Variants in SLC26A4 observed in about 807,000 individuals in gnomAD.
SLC26A4 encodes pendrin.
Under a neutral mutation model 90.4 loss-of-function variants are expected in SLC26A4, and 93 were observed. That is an observed-to-expected ratio of 1.03 (90% CI 0.87 to 1.22). The LOEUF (loss-of-function observed/expected upper bound fraction) is 1.22, where lower values mean the gene tolerates loss of function less well. SLC26A4 is among the 50% of genes most tolerant of loss of function. The pLI is 0.00. For synonymous variants in SLC26A4, 393 were observed against 354.6 expected (o/e 1.11, Z -1.22); for missense variants, 1,127 against 946.2 (o/e 1.19, Z -2.51).
intron 8 of SLC26A4, 103 bp from the exon 9 acceptor site, chr7:107,688,950 T>G (rs1791490190): frequency 1.6e-6 from 2 of 1,214,094 alleles, no homozygotes; most frequent in East Asian, 4.7e-5. Flanking sequence ...GATCAAGTAC[T>G]TTCATGTCTA....
chr7:107,688,591 T>G lies in SLC26A4; in HGVS notation c.1002-462T>G, dbSNP rs544368386. On this transcript the variant is annotated intron_variant, in intron 8 of 20. Coordinates refer to ENST00000644269, the MANE Select transcript of SLC26A4 (RefSeq NM_000441.2). Reference sequence around the variant, plus strand: ...TCCTGGCTCTCAAAGGATTTTCCACTGAGCTCTTTTAGCTTCATACATTCT... The same window carrying G: ...TCCTGGCTCTCAAAGGATTTTCCACGGAGCTCTTTTAGCTTCATACATTCT... Among the ~76,000 whole-genome samples the G allele has an allele frequency of 3.3e-5, 5 of 152,352 alleles. No individual in the cohort carries two copies. In the South Asian group the frequency reaches 1.0e-3, roughly 32 times the overall value.
intron 17 of SLC26A4, among the ~76,000 whole-genome samples, chr7:107,704,052 T>A (rs1791971427): frequency 6.6e-6 from 1 of 152,200 alleles, no homozygotes; most frequent in Admixed American, 6.5e-5. Context: ...TTAAGAAGCC[T>A]CCTGTACTCT....
intron 13 of SLC26A4, among the ~76,000 whole-genome samples, chr7:107,697,436 A>G (rs979463793): frequency 6.6e-6 from 1 of 152,210 alleles, no homozygotes; most frequent in African/African-American, 2.4e-5. Context: ...CTCTTTCTTC[A>G]GGAATTGTAT....
chr7:107,682,133 T>A (rs963262937), intron 6 of SLC26A4, among the ~76,000 whole-genome samples: 2,645 of 40,872 alleles, frequency 0.065, 141 homozygotes, highest in African/African-American at 0.076. Context: ...AAAAAAAATT[T>A]TTTTTATGTT....
intron 10 of SLC26A4, chr7:107,693,231 A>G (rs956688073): frequency 1.1e-6 from 1 of 921,666 alleles, no homozygotes; most frequent in Non-Finnish European, 1.3e-6. Context: ...AGGAGAAGGG[A>G]AAGAGCACCA....
At chr7:107,665,583 C>A (rs1275915356) in intron 3 of SLC26A4, among the ~76,000 whole-genome samples, 1 of 152,154 alleles carries the variant, frequency 6.6e-6, no homozygotes, top group African/African-American at 2.4e-5. Flanking sequence ...GATTGAATTG[C>A]ATTCCTGATA....
rs1562838616 is a variant in SLC26A4 at position 107,700,184 on chromosome 7, T to A, written c.1707+9T>A. On this transcript the variant is annotated intron_variant, in intron 15 of 20. Coordinates refer to ENST00000644269, the MANE Select transcript of SLC26A4 (RefSeq NM_000441.2). ...AATGTATCAAGTCCACAGTAAGTAT[T>A]TTATCCCTAGAAATTTGTTTTCTAA... 2 of 1,390,456 alleles carry A rather than the reference T, an allele frequency of 1.4e-6. No individual in the cohort carries two copies. Among genetic ancestry groups the A allele is most frequent in the South Asian group, 2.3e-5 (2 of 86,534 alleles). 86.1% of individuals were successfully genotyped at this position (1,390,456 alleles called of 1,614,324 possible). A position where few individuals can be genotyped will look rare whatever the true frequency, so the allele number is the denominator to read the frequency against.
intron 6 of SLC26A4, among the ~76,000 whole-genome samples, chr7:107,676,076 G>A (rs1036598232): frequency 6.6e-6 from 1 of 152,142 alleles, no homozygotes; most frequent in Non-Finnish European, 1.5e-5. Context: ...CATCATGTAG[G>A]GTGCTAATTG....
In SLC26A4 at chr7:107,717,365, CAAAAAAAAAAAAAA is replaced by C. The variant is rs56009300; in HGVS notation, c.*1931_*1944del. The C allele has an allele frequency of 9.5e-5, 7 of 73,572 alleles. No individual in the cohort carries two copies. Among genetic ancestry groups the C allele is most frequent in the African/African-American group, 1.7e-4 (3 of 17,388 alleles). The allele number at this position is 73,572 out of a possible 1,614,324, so 4.6% of individuals were successfully genotyped here. A position where few individuals can be genotyped will look rare whatever the true frequency, so the allele number is the denominator to read the frequency against. On this transcript the variant is annotated 3_prime_UTR_variant, in exon 21 of 21. Coordinates refer to ENST00000644269, the MANE Select transcript of SLC26A4 (RefSeq NM_000441.2). ...TGGGCGACAGAGCAAGACTCCGTCT[CAAAAAAAAAAAAAA>C]AAAAAAAAAAAGAGTGAATGTAATA...
rs550543111 is a variant in SLC26A4, at chr7:107,713,840, C to G, written c.2319+1218C>G. ...ATTGAGCTTTGACCCTAATACAGAA[C>G]TACACCTATTTCTGCTGGATTTCAT... On this transcript the variant is annotated intron_variant, in intron 20 of 20. Coordinates refer to ENST00000644269, the MANE Select transcript of SLC26A4 (RefSeq NM_000441.2). 1.3e-4 allele frequency among the ~76,000 whole-genome samples: 20 copies of G among 152,182 alleles called. No individual in the cohort carries two copies. In the East Asian group the frequency reaches 3.7e-3, roughly 28 times the overall value.
At chr7:107,664,431 C>T (rs1235968215) in intron 3 of SLC26A4, among the ~76,000 whole-genome samples, 1 of 152,110 alleles carries the variant, frequency 6.6e-6, no homozygotes. Flanking sequence ...GGGGTTTCGC[C>T]ATGTTGGCCA....
chr7:107,675,410 G>A (rs1365986900), intron 6 of SLC26A4, among the ~76,000 whole-genome samples: 2 of 151,736 alleles, frequency 1.3e-5, no homozygotes, highest in African/African-American at 4.8e-5. Context: ...GGGAGGCTGA[G>A]GTGGGAAGAT....
intron 8 of SLC26A4, among the ~76,000 whole-genome samples, chr7:107,686,439 TTC>T (rs370433213): frequency 0.014 from 720 of 51,238 alleles, 14 homozygotes; most frequent in African/African-American, 0.069. Context: ...CTTTCTTTCT[TTC>T]TTTCTTTCTT....
chr7:107,715,771 A>C lies in SLC26A4; in HGVS notation c.*325A>C, dbSNP rs199769213. ...TTCAGTTAGAGTGAGTGCTGACCCA[A>C]CAGCCTCTGTGGTCAAGCGAGTCAC... is the stretch of plus-strand genomic sequence containing the variant. On this transcript the variant is annotated 3_prime_UTR_variant, in exon 21 of 21. Coordinates refer to ENST00000644269, the MANE Select transcript of SLC26A4 (RefSeq NM_000441.2). 1 of 393,832 alleles carries C rather than the reference A, an allele frequency of 2.5e-6. No homozygotes were observed. Among genetic ancestry groups the C allele is most frequent in the Non-Finnish European group, 4.6e-6 (1 of 215,590 alleles). The allele number at this position is 393,832 out of a possible 1,614,324, so 24.4% of individuals were successfully genotyped here.
At chr7:107,703,058 T>G (rs927514797) in intron 17 of SLC26A4, among the ~76,000 whole-genome samples, 1 of 152,212 alleles carries the variant, frequency 6.6e-6, no homozygotes, top group Non-Finnish European at 1.5e-5. Flanking sequence ...ATGCCTAATG[T>G]GTACTGAGCA....
At chr7:107,689,385 G>A (rs1791508141) in intron 9 of SLC26A4, among the ~76,000 whole-genome samples, 185 bp downstream of exon 9, 1 of 152,104 alleles carries the variant, frequency 6.6e-6, no homozygotes, top group South Asian at 2.1e-4. Flanking sequence ...GCATCACTTT[G>A]CTTTTTTAAG....
chr7:107,701,438 T>C (rs1791882791), intron 16 of SLC26A4, among the ~76,000 whole-genome samples: 12 of 152,174 alleles, frequency 7.9e-5, no homozygotes, highest in Admixed American at 7.9e-4. Context: ...ATGAACAGTG[T>C]CTGCATTATT....
At chr7:107,712,111 T>A (rs1455970029) in intron 19 of SLC26A4, among the ~76,000 whole-genome samples, 1 of 152,240 alleles carries the variant, frequency 6.6e-6, no homozygotes, top group Non-Finnish European at 1.5e-5. Context: ...TCCAATAGAA[T>A]TAATTTCCAC....
In SLC26A4 at chr7:107,661,766, A is replaced by T; in HGVS notation, c.125A>T (p.Glu42Val). ...FQQQHERRLQ[E>V]RKTLRESLAK... is the part of the protein sequence containing the mutation. ...CAACAGCACGAGCGGCGCCTGCAGG[A>T]GCGCAAGACGCTGCGGGAGAGCCTG... The change falls in exon 2 of 21, where the codon GAG becomes GTG. Residue 42 changes from glutamate to valine, a missense_variant. Physicochemically the swap from Glu to Val is moderately radical, Grantham distance 121. Coordinates refer to ENST00000644269, the MANE Select transcript of SLC26A4 (RefSeq NM_000441.2). The surrounding 1 kb of genome is among the most constrained non-coding windows in gnomAD (Gnocchi z 5.1). The T allele has an allele frequency of 6.5e-7, 1 of 1,543,014 alleles. No homozygotes were observed. Among genetic ancestry groups the T allele is most frequent in the East Asian group, 2.4e-5 (1 of 41,186 alleles).
Sources: gnomAD v4.1 joint callset for allele counts (sites outside exome capture counted in the v4.1 genomes callset) on GRCh38, gnomAD v4.1.1 for gene constraint, Gnocchi (gnomAD v3.1) non-coding constraint, MANE v1.5 for transcripts, NCBI Gene and HGNC (gene_info 2026-07-23, HGNC 2026-07-21) for gene names.